Variants in KCNAB2 observed in about 807,000 individuals in gnomAD.
KCNAB2 encodes voltage-gated potassium channel subunit beta-2.
Under a neutral mutation model 63.6 loss-of-function variants are expected in KCNAB2, and 29 were observed. The ratio of observed to expected loss-of-function variants is 0.46; its 90% CI spans 0.34 to 0.62. The LOEUF (loss-of-function observed/expected upper bound fraction) is 0.62, where lower values mean the gene tolerates loss of function less well. Among genes scored for constraint, KCNAB2 ranks in the 20% least tolerant of loss-of-function variants. The probability of loss-of-function intolerance (pLI) is 0.01; values close to 1 mark genes in which losing one functional copy is unlikely to be tolerated. For missense variants in KCNAB2, 359 were observed against 563.9 expected, an observed-to-expected ratio of 0.64 and a Z score of 3.68; for synonymous variants, 222 against 224.2, an observed-to-expected ratio of 0.99 and a Z score of 0.09.
intron 1 of KCNAB2, among the ~76,000 whole-genome samples, chr1:6,010,575 A>C (rs932543587): frequency 2.6e-5 from 4 of 152,254 alleles, no homozygotes; most frequent in Non-Finnish European, 2.9e-5. Flanking sequence ...TGGGGATTGA[A>C]GAGAGTGCCC....
intron 1 of KCNAB2, among the ~76,000 whole-genome samples, chr1:6,021,000 T>G (rs1658786362): frequency 6.6e-6 from 1 of 152,144 alleles, no homozygotes; most frequent in African/African-American, 2.4e-5. Context: ...TTTATTTTCA[T>G]ATATATTTTT....
chr1:6,076,571 A>T (rs927965156), intron 4 of KCNAB2, among the ~76,000 whole-genome samples: 14 of 152,210 alleles, frequency 9.2e-5, no homozygotes, highest in Non-Finnish European at 7.3e-5. Flanking sequence ...GGCAGGTGCT[A>T]TTCCCAGTTC....
At chr1:6,053,166 C>A (rs1038861870) in intron 2 of KCNAB2, among the ~76,000 whole-genome samples, 1 of 152,058 alleles carries the variant, frequency 6.6e-6, no homozygotes, top group Non-Finnish European at 1.5e-5. Flanking sequence ...ACAAAGGGTC[C>A]GCTAGTTTGG....
At position 6,101,066 on chromosome 1, in the gene KCNAB2, CTG is replaced by C. The variant is rs1429855309; in HGVS notation, c.*2493_*2494del. On this transcript the variant is annotated 3_prime_UTR_variant, in exon 16 of 16. Transcript: ENST00000378083. The stretch of plus-strand genomic sequence containing the variant: ...AAACCTACCGTGGTTCCTCAGCTAA[CTG>C]CATTCCCTACCCAGGCAGAGACTGT... 1 of 152,000 alleles carries C rather than the reference CTG, an allele frequency of 6.6e-6. No homozygotes were observed. Among genetic ancestry groups the C allele is most frequent in the Non-Finnish European group, 1.5e-5 (1 of 68,030 alleles). 9.4% of individuals were successfully genotyped at this position (152,000 alleles called of 1,614,324 possible).
At chr1:6,057,013 A>T (rs1208868571) in intron 2 of KCNAB2, among the ~76,000 whole-genome samples, 1 of 151,324 alleles carries the variant, frequency 6.6e-6, no homozygotes, top group Admixed American at 6.6e-5. Flanking sequence ...TGTCCCTGGC[A>T]CCCGGAACAC....
chr1:6,045,595 G>A (rs753144712), upstream of KCNAB2, among the ~76,000 whole-genome samples: 32 of 152,324 alleles, frequency 2.1e-4, no homozygotes, highest in South Asian at 2.1e-4. The surrounding 1 kb of genome is among the most constrained non-coding windows in gnomAD (Gnocchi z 4.8). Context: ...GAGCATGCGC[G>A]TGTGCTGAGC....
rs1158069904 is a variant in KCNAB2 at position 6,051,672 on chromosome 1, G to A, written c.136G>A (p.Ala46Thr). 2.6e-6 allele frequency: 4 copies of A among 1,533,982 alleles called. No individual in the cohort carries two copies. Among genetic ancestry groups the A allele is most frequent in the African/African-American group, 2.7e-5 (2 of 73,114 alleles). ...GCGGGAGGTGCGGGCGGCTGCCCAGGCCAGGAACATGGAGAGCTTCCTCCG... is the reference window on the plus strand; with the variant it reads ...GCGGGAGGTGCGGGCGGCTGCCCAGACCAGGAACATGGAGAGCTTCCTCCG... ...RLREVRAAAQ[A>T]RNMESFLRMH... Residue 46 changes from alanine to threonine, a missense_variant, in exon 2 of 16, where the codon GCC becomes ACC. Ala to Thr is a moderately conservative substitution (Grantham distance 58). Coordinates refer to ENST00000378083, the MANE Select transcript of KCNAB2 (RefSeq NM_001199862.2).
In KCNAB2 at chr1:6,087,065, G is replaced by A. The variant is rs1490477902; in HGVS notation, c.426-402G>A. Among the ~76,000 whole-genome samples, 1 of 151,890 alleles carries A rather than the reference G, an allele frequency of 6.6e-6. No individual in the cohort carries two copies. The highest frequency in any genetic ancestry group is 1.5e-5 in the Non-Finnish European group (1 of 67,964). ...CCCCAGAGCCCGCCCCTGCCCCCTG[G>A]CCCACACCCGGCCTCCTCCAGCCTT... On this transcript the variant is annotated intron_variant, in intron 6 of 15. Coordinates refer to ENST00000378083, the MANE Select transcript of KCNAB2 (RefSeq NM_001199862.2). This position sits in a 1 kb window ranked among gnomAD's most constrained non-coding sequence, Gnocchi z 6.4.
At chr1:6,045,490 G>A (rs192774640), upstream of KCNAB2, among the ~76,000 whole-genome samples, 488 of 152,292 alleles carry the variant, frequency 3.2e-3, 1 homozygote, top group African/African-American at 0.011. The surrounding 1 kb of genome is among the most constrained non-coding windows in gnomAD (Gnocchi z 4.8). Context: ...TGGCAGTGTG[G>A]AGTCCAAATA....
chr1:6,036,308 G>A (rs997337340), intron 1 of KCNAB2, among the ~76,000 whole-genome samples: 9 of 152,090 alleles, frequency 5.9e-5, no homozygotes, highest in African/African-American at 2.2e-4. Flanking sequence ...TTGGAGACCA[G>A]CCTGGCCAAC....
rs139506210 is a variant in KCNAB2 at position 6,021,883 on chromosome 1, G to A, written c.-52-18634G>A. ...ATTGAGGGTATGGTTCAGTGGTATT[G>A]AGTGTACAGTTCAGTGGTATTGAGG... On this transcript the variant is annotated intron_variant, in intron 1 of 16. Transcript: ENST00000341524. Among the ~76,000 whole-genome samples the A allele has an allele frequency of 8.5e-5, 13 of 152,092 alleles. No homozygotes were observed. The East Asian group carries it at 2.3e-3, about 27-fold the overall frequency.
rs1356890148 is a variant in KCNAB2 at position 6,035,395 on chromosome 1, G to A, written c.-53+601G>A. ...GGGAGGATCACCCTGGCCGCGTAGAGTCTGCCGGCGGGGGTGGAGGTGGGC... is the reference window on the plus strand; with the variant it reads ...GGGAGGATCACCCTGGCCGCGTAGAATCTGCCGGCGGGGGTGGAGGTGGGC... On this transcript the variant is annotated intron_variant, in intron 1 of 15. Transcript: ENST00000164247. The surrounding 1 kb of genome is among the most constrained non-coding windows in gnomAD (Gnocchi z 5.0). Among the ~76,000 whole-genome samples, 1 of 152,316 alleles carries A rather than the reference G, an allele frequency of 6.6e-6. No homozygotes were observed.
intron 7 of KCNAB2, 97 bp from the exon 8 acceptor site, chr1:6,088,909 CCT>C: frequency 8.6e-7 from 1 of 1,156,918 alleles, no homozygotes; most frequent in Admixed American, 2.2e-5. Context: ...ATTTGCTGAC[CCT>C]GTTTTTGCGT....
At chr1:6,065,406 T>C (rs776764455) in intron 2 of KCNAB2, among the ~76,000 whole-genome samples, 2 of 152,190 alleles carry the variant, frequency 1.3e-5, no homozygotes, top group Non-Finnish European at 2.9e-5. Context: ...GGTCGCCTCA[T>C]TGACATGGTG....
At chr1:6,031,553 C>T (rs1228480227), upstream of KCNAB2, among the ~76,000 whole-genome samples, 2 of 152,170 alleles carry the variant, frequency 1.3e-5, no homozygotes, top group African/African-American at 2.4e-5. The surrounding 1 kb of genome is among the most constrained non-coding windows in gnomAD (Gnocchi z 4.1). Flanking sequence ...CCTTGTGTGT[C>T]CTTGCCTAGA....
chr1:6,012,010 T>C (rs1482513983), intron 1 of KCNAB2, among the ~76,000 whole-genome samples: 3 of 147,232 alleles, frequency 2.0e-5, no homozygotes, highest in African/African-American at 5.1e-5. Context: ...GCCATGGTGG[T>C]GGTAGAGGTG....
intron 1 of KCNAB2, among the ~76,000 whole-genome samples, chr1:6,005,127 G>A (rs866330982): frequency 1.1e-4 from 1 of 8,884 alleles, no homozygotes; most frequent in Non-Finnish European, 2.5e-4. Flanking sequence ...GAGCTGAGCT[G>A]AGGGGTGAGG....
chr1:6,010,717 G>C (rs1658099682), intron 1 of KCNAB2, among the ~76,000 whole-genome samples: 1 of 152,242 alleles, frequency 6.6e-6, no homozygotes, highest in Admixed American at 6.5e-5. Flanking sequence ...GGTGGGGTGG[G>C]CCGCCCCATC....
At chr1:6,067,975 G>A (rs1177800073) in intron 2 of KCNAB2, among the ~76,000 whole-genome samples, 1 of 152,164 alleles carries the variant, frequency 6.6e-6, no homozygotes, top group African/African-American at 2.4e-5. Context: ...AGGTTGCAGT[G>A]AACCAAGATC....
Sources: gnomAD v4.1 joint callset for allele counts (sites outside exome capture counted in the v4.1 genomes callset) on GRCh38, gnomAD v4.1.1 for gene constraint, Gnocchi (gnomAD v3.1) non-coding constraint, MANE v1.5 for transcripts, NCBI Gene and HGNC (gene_info 2026-07-23, HGNC 2026-07-21) for gene names.